The following PLCL1 variants were observed in gnomAD, a reference collection of about 807,000 sequenced individuals.
The protein encoded by PLCL1 is phospholipase C like 1 (inactive).
PLCL1 carries 41 observed loss-of-function variants against 84.4 expected under a neutral mutation model. The observed-to-expected ratio is 0.49, with a 90% CI of 0.38 to 0.63. The LOEUF (loss-of-function observed/expected upper bound fraction) is 0.63. Among genes scored for constraint, PLCL1 ranks in the 30% least tolerant of loss-of-function variants. The probability of loss-of-function intolerance (pLI) is 0.00; values close to 1 mark genes in which losing one functional copy is unlikely to be tolerated. For missense variants in PLCL1, 1,206 were observed against 1,367.8 expected (o/e 0.88, Z 1.87); for synonymous variants, 490 against 488.3 (o/e 1.00, Z -0.05).
rs545690834 is a variant in PLCL1, at chr2:197,831,791, T to C, written c.240+26452T>C. On this transcript the variant is annotated intron_variant, in intron 1 of 5. Transcript: ENST00000428675. ...GGAAATAAAACTCCTGAGAAAATGCTAAAGAACGGAAATAATAAGAAACAG... is the reference window on the plus strand; with the variant it reads ...GGAAATAAAACTCCTGAGAAAATGCCAAAGAACGGAAATAATAAGAAACAG... 1.3e-4 allele frequency among the ~76,000 whole-genome samples: 20 copies of C among 152,216 alleles called. No homozygotes were observed. In the South Asian group the frequency reaches 3.7e-3, roughly 28 times the overall value.
At chr2:198,108,473 C>T (rs1283121228) in intron 5 of PLCL1, among the ~76,000 whole-genome samples, 3 of 151,750 alleles carry the variant, frequency 2.0e-5, no homozygotes. Flanking sequence ...GTGCCCTCAG[C>T]AAGTTGGGGG....
intron 1 of PLCL1, among the ~76,000 whole-genome samples, chr2:198,006,196 T>C (rs1690725318): frequency 6.6e-6 from 1 of 152,024 alleles, no homozygotes; most frequent in Non-Finnish European, 1.5e-5. Context: ...AAAATGAAGT[T>C]TGTGATGTTT....
rs1280111173 is a variant in PLCL1 at position 198,085,765 on chromosome 2, G to A, written c.2248G>A (p.Val750Ile). The A allele has an allele frequency of 1.2e-6, 2 of 1,613,208 alleles. No homozygotes were observed. The highest frequency in any genetic ancestry group is 1.7e-5 in the Admixed American group (1 of 60,010). Residue 750 changes from valine (V) to isoleucine (I), a missense_variant, in exon 2 of 6, where the codon GTT becomes ATT. Coordinates refer to ENST00000428675, the MANE Select transcript of PLCL1 (RefSeq NM_006226.4). This position sits in a 1 kb window ranked among gnomAD's most constrained non-coding sequence, Gnocchi z 5.3. ...CAAAGGGGATGTCATAGATCCCTATGTTTGTATAGAGATACACGGAATTCC... is the reference window on the plus strand; with the variant it reads ...CAAAGGGGATGTCATAGATCCCTATATTTGTATAGAGATACACGGAATTCC... Reference protein sequence around the residue: ...CAKGDVIDPYVCIEIHGIPAD... With the variant: ...CAKGDVIDPYICIEIHGIPAD...
chr2:197,890,919 G>T (rs1688015165), intron 1 of PLCL1, among the ~76,000 whole-genome samples: 1 of 147,004 alleles, frequency 6.8e-6, no homozygotes, highest in South Asian at 2.2e-4. Context: ...ATATATCCTG[G>T]GTATCCTTCC....
intron 5 of PLCL1, among the ~76,000 whole-genome samples, chr2:198,113,319 G>A (rs1693666419): frequency 1.3e-5 from 2 of 151,812 alleles, no homozygotes; most frequent in African/African-American, 4.8e-5. Flanking sequence ...TTTTATTTTT[G>A]GTGAAACCAA....
intron 3 of PLCL1, among the ~76,000 whole-genome samples, chr2:198,091,449 G>T (rs1435648408): frequency 6.6e-6 from 1 of 152,134 alleles, no homozygotes; most frequent in East Asian, 1.9e-4. Context: ...GGAGGCCGAG[G>T]CGGGTGGATC....
rs188613179 is a variant in PLCL1 at position 197,924,418 on chromosome 2, T to A, written c.240+119079T>A. On this transcript the variant is annotated intron_variant, in intron 1 of 5. Transcript: ENST00000428675. ...TGACAATGGAGAAAGCTCTGAGAAA[T>A]TCACCTTTAGATTTGAGTTAATTTG... 3.3e-5 allele frequency among the ~76,000 whole-genome samples: 5 copies of A among 152,248 alleles called. No individual in the cohort carries two copies. In the East Asian group the frequency reaches 9.7e-4, roughly 29 times the overall value.
chr2:197,931,153 G>A (rs1389151556), intron 1 of PLCL1, among the ~76,000 whole-genome samples: 7 of 152,132 alleles, frequency 4.6e-5, no homozygotes, highest in African/African-American at 1.7e-4. Flanking sequence ...AAAAGAAACT[G>A]GGAGGTGTCT....
intron 1 of PLCL1, among the ~76,000 whole-genome samples, chr2:197,872,951 A>G (rs1206457272): frequency 6.6e-6 from 1 of 152,144 alleles, no homozygotes; most frequent in Non-Finnish European, 1.5e-5. Context: ...ATGGCATGCT[A>G]AGAACTATTA....
chr2:197,888,913 A>G (rs1243372204), intron 1 of PLCL1, among the ~76,000 whole-genome samples: 1 of 152,206 alleles, frequency 6.6e-6, no homozygotes, highest in Non-Finnish European at 1.5e-5. Flanking sequence ...ACTAGTATTG[A>G]AAAGTAAATT....
At chr2:198,006,499 G>A (rs1258131828) in intron 1 of PLCL1, among the ~76,000 whole-genome samples, 1 of 152,124 alleles carries the variant, frequency 6.6e-6, no homozygotes, top group East Asian at 1.9e-4. Flanking sequence ...AACTCTGGAG[G>A]CGTGTTGCCT....
chr2:198,064,642 T>C (rs1157841922), intron 1 of PLCL1, among the ~76,000 whole-genome samples: 2 of 152,218 alleles, frequency 1.3e-5, no homozygotes, highest in African/African-American at 2.4e-5. Flanking sequence ...ACCATTGTTA[T>C]AGTCTTAGTA....
At chr2:198,145,263 G>A (rs1694492627) in intron 5 of PLCL1, among the ~76,000 whole-genome samples, 1 of 152,118 alleles carries the variant, frequency 6.6e-6, no homozygotes, top group Non-Finnish European at 1.5e-5. Context: ...ATAGTGTTAA[G>A]AACAGACTTC....
intron 1 of PLCL1, among the ~76,000 whole-genome samples, chr2:197,944,852 T>G (rs1689240150): frequency 6.6e-6 from 1 of 152,222 alleles, no homozygotes; most frequent in African/African-American, 2.4e-5. Context: ...TTCCTCCAAC[T>G]ACTTTCATCT....
At chr2:198,070,996 C>T in intron 1 of PLCL1, 1 of 871,586 alleles carries the variant, frequency 1.1e-6, no homozygotes, top group Non-Finnish European at 1.4e-6. Flanking sequence ...CCACTATCAC[C>T]AATTGGAATA....
At chr2:198,089,199 C>T in intron 3 of PLCL1, 138 bp downstream of exon 3, 1 of 666,524 alleles carries the variant, frequency 1.5e-6, no homozygotes, top group South Asian at 1.8e-5. Context: ...GCATGCAGAG[C>T]CGGCCCATTC....
intron 1 of PLCL1, among the ~76,000 whole-genome samples, chr2:197,935,447 G>A (rs1574957150): frequency 6.6e-6 from 1 of 152,236 alleles, no homozygotes; most frequent in East Asian, 1.9e-4. Context: ...AAAAGAACAA[G>A]ATCTTGTTCT....
chr2:197,849,884 TTTGAGTGACTGGTTCA>T (rs1687194200), intron 1 of PLCL1, among the ~76,000 whole-genome samples: 1 of 152,170 alleles, frequency 6.6e-6, no homozygotes, highest in South Asian at 2.1e-4. Flanking sequence ...TAGATTATCA[TTTGAGTGACTGGTTCA>T]GGTTCTCTGA....
At chr2:197,886,013 C>G (rs955886813) in intron 1 of PLCL1, among the ~76,000 whole-genome samples, 5 of 152,196 alleles carry the variant, frequency 3.3e-5, no homozygotes. Context: ...AAGATTAAAT[C>G]ACAGAGTATC....
Sources: allele counts gnomAD v4.1 joint callset (sites outside exome capture counted in the v4.1 genomes callset), GRCh38; gene constraint gnomAD v4.1.1; non-coding constraint Gnocchi (gnomAD v3.1); transcripts MANE v1.5; gene names NCBI Gene and HGNC (gene_info 2026-07-23, HGNC 2026-07-21).